Variants in SH2D4A observed in about 807,000 individuals in gnomAD.
SH2D4A encodes SH2 domain-containing protein 4A.
In SH2D4A, 70 loss-of-function variants were observed where a neutral mutation model predicts 64.7. The ratio of observed to expected loss-of-function variants is 1.08; its 90% CI spans 0.89 to 1.32. The LOEUF (loss-of-function observed/expected upper bound fraction) is 1.32, where lower values mean the gene tolerates loss of function less well. SH2D4A is among the 40% of genes most tolerant of loss of function. The pLI is 0.00. For missense variants in SH2D4A, 706 were observed against 540.1 expected (o/e 1.31, Z -3.04); for synonymous variants, 268 against 200.7 (o/e 1.34, Z -2.83).
chr8:19,356,451 T>C (rs2052793227), intron 4 of SH2D4A, among the ~76,000 whole-genome samples: 1 of 152,214 alleles, frequency 6.6e-6, no homozygotes, highest in Non-Finnish European at 1.5e-5. Flanking sequence ...ATCTGGGTAC[T>C]CAGGACATTT....
At position 19,334,673 on chromosome 8, in the gene SH2D4A, T is replaced by C; in HGVS notation, c.342-13T>C. 6.3e-7 allele frequency: 1 copy of C among 1,577,318 alleles called. No individual in the cohort carries two copies. The highest frequency in any genetic ancestry group is 1.2e-5 in the South Asian group (1 of 85,296). The stretch of plus-strand genomic sequence containing the variant: ...GAATGTTTTTTGAGAATTTCACTTT[T>C]GCCTCTCTTCAGAAAAACTCACTCT... On this transcript the variant is annotated splice_polypyrimidine_tract_variant and intron_variant, in intron 3 of 9. Coordinates refer to ENST00000265807, the MANE Select transcript of SH2D4A (RefSeq NM_022071.4).
At chr8:19,345,717 T>A (rs1348792417) in intron 4 of SH2D4A, among the ~76,000 whole-genome samples, 1 of 152,240 alleles carries the variant, frequency 6.6e-6, no homozygotes, top group East Asian at 1.9e-4. Flanking sequence ...TGCAACAGTT[T>A]CTGTGGTTTT....
intron 4 of SH2D4A, among the ~76,000 whole-genome samples, chr8:19,354,226 C>G (rs528764625): frequency 6.6e-6 from 1 of 152,080 alleles, no homozygotes; most frequent in Non-Finnish European, 1.5e-5. Context: ...GTCTCGAACT[C>G]CTGACCTCAG....
chr8:19,339,393 A>G (rs867857873), intron 4 of SH2D4A, among the ~76,000 whole-genome samples: 2 of 152,100 alleles, frequency 1.3e-5, no homozygotes, highest in African/African-American at 2.4e-5. Context: ...TTGACACTCA[A>G]TATTAACCAT....
chr8:19,355,429 C>G (rs2052777135), intron 4 of SH2D4A, among the ~76,000 whole-genome samples: 1 of 152,070 alleles, frequency 6.6e-6, no homozygotes, highest in South Asian at 2.1e-4. Context: ...CGCAGAGCAG[C>G]AAAGTATACT....
chr8:19,319,756 A>G (rs747060681), intron 2 of SH2D4A, 28 bp downstream of exon 2: 43 of 1,534,290 alleles, frequency 2.8e-5, no homozygotes, highest in Non-Finnish European at 3.7e-5. Context: ...TCTTCTGTGG[A>G]TGTGTTGGTA....
intron 4 of SH2D4A, among the ~76,000 whole-genome samples, chr8:19,348,563 G>A (rs1045553235): frequency 7.2e-5 from 11 of 152,260 alleles, no homozygotes; most frequent in Admixed American, 2.6e-4. Flanking sequence ...GATCAGTTCT[G>A]TAAAACTGGA....
intron 8 of SH2D4A, 43 bp downstream of exon 8, chr8:19,373,703 G>C: frequency 6.3e-7 from 1 of 1,589,518 alleles, no homozygotes; most frequent in South Asian, 1.1e-5. Context: ...TCTTAGGGCG[G>C]ATGAAGCTGT....
At chr8:19,346,373 C>G (rs1459588666) in intron 4 of SH2D4A, among the ~76,000 whole-genome samples, 5 of 152,152 alleles carry the variant, frequency 3.3e-5, no homozygotes, top group African/African-American at 1.2e-4. Flanking sequence ...AGCATGAATC[C>G]TCTTGTGAAC....
intron 8 of SH2D4A, among the ~76,000 whole-genome samples, chr8:19,377,400 A>G (rs750183554): frequency 5.9e-5 from 9 of 152,310 alleles, no homozygotes; most frequent in South Asian, 2.1e-4. Flanking sequence ...AATCTGCCAT[A>G]TAGAATTAAG....
intron 8 of SH2D4A, among the ~76,000 whole-genome samples, chr8:19,384,285 G>C (rs543490769): frequency 6.6e-6 from 1 of 152,314 alleles, no homozygotes; most frequent in Non-Finnish European, 1.5e-5. Context: ...GACATTGCAG[G>C]TTAAGGTTGA....
At chr8:19,391,451 G>T (rs2053491422) in intron 8 of SH2D4A, among the ~76,000 whole-genome samples, 1 of 152,164 alleles carries the variant, frequency 6.6e-6, no homozygotes, top group African/African-American at 2.4e-5. Flanking sequence ...CAATGCATGT[G>T]CATCAGTCGT....
intron 7 of SH2D4A, among the ~76,000 whole-genome samples, chr8:19,367,172 T>C (rs2053011870): frequency 6.6e-6 from 1 of 152,218 alleles, no homozygotes; most frequent in African/African-American, 2.4e-5. Flanking sequence ...ACTAGGTTGA[T>C]TCCATATCTT....
At chr8:19,367,869 A>C (rs540811659) in intron 7 of SH2D4A, among the ~76,000 whole-genome samples, 2 of 152,240 alleles carry the variant, frequency 1.3e-5, no homozygotes, top group East Asian at 3.9e-4. Flanking sequence ...TGAGGCCAGG[A>C]GTTTGAGAGA....
At chr8:19,376,717 G>A (rs929722062) in intron 8 of SH2D4A, among the ~76,000 whole-genome samples, 2 of 152,034 alleles carry the variant, frequency 1.3e-5, no homozygotes, top group African/African-American at 4.8e-5. Flanking sequence ...TGGGACCATG[G>A]CCCAGTCAAG....
intron 2 of SH2D4A, among the ~76,000 whole-genome samples, chr8:19,320,578 C>G (rs2052171496): frequency 7.2e-6 from 1 of 139,564 alleles, no homozygotes; most frequent in African/African-American, 2.7e-5. Context: ...GAACTGAAAT[C>G]ACACCTCTGC....
chr8:19,320,350 G>C (rs898750402), intron 2 of SH2D4A, among the ~76,000 whole-genome samples: 1 of 152,112 alleles, frequency 6.6e-6, no homozygotes, highest in African/African-American at 2.4e-5. Flanking sequence ...AAGCAGACAA[G>C]GTGCAGTGGC....
intron 4 of SH2D4A, among the ~76,000 whole-genome samples, chr8:19,339,307 C>A (rs1305512634): frequency 6.6e-6 from 1 of 152,096 alleles, no homozygotes; most frequent in Non-Finnish European, 1.5e-5. Flanking sequence ...TCCACTGACT[C>A]AAATGTTAAT....
intron 7 of SH2D4A, among the ~76,000 whole-genome samples, chr8:19,369,207 T>C (rs2053053368): frequency 6.6e-6 from 1 of 152,194 alleles, no homozygotes; most frequent in African/African-American, 2.4e-5. Flanking sequence ...AGGATGTTTT[T>C]GATGTGCTGT....
Sources: allele counts gnomAD v4.1 joint callset (sites outside exome capture counted in the v4.1 genomes callset), GRCh38; gene constraint gnomAD v4.1.1; transcripts MANE v1.5; gene names NCBI Gene and HGNC (gene_info 2026-07-23, HGNC 2026-07-21).